The following LEKR1 variants were observed in gnomAD, a reference collection of about 807,000 sequenced individuals.
The protein encoded by LEKR1 is leucine, glutamate and lysine rich 1.
In LEKR1, 59 loss-of-function variants were observed where a neutral mutation model predicts 72.4. The ratio of observed to expected loss-of-function variants is 0.82; its 90% CI spans 0.66 to 1.01. The LOEUF is 1.01. Among genes scored for constraint, LEKR1 ranks in the 50% least tolerant of loss-of-function variants. The probability of loss-of-function intolerance (pLI) is 0.00; values close to 1 mark genes in which losing one functional copy is unlikely to be tolerated. For synonymous variants in LEKR1, 257 were observed against 263.2 expected (o/e 0.98, Z 0.23); for missense variants, 728 against 759.2 (o/e 0.96, Z 0.48).
At chr3:157,031,386 A>AG (rs1426482578) in intron 12 of LEKR1, among the ~76,000 whole-genome samples, 2 of 152,114 alleles carry the variant, frequency 1.3e-5, no homozygotes, top group East Asian at 3.9e-4. Flanking sequence ...GGGTATACTT[A>AG]GGGGGGCAAT....
At chr3:156,899,324 A>G (rs1278111024) in intron 3 of LEKR1, among the ~76,000 whole-genome samples, 3 of 120,030 alleles carry the variant, frequency 2.5e-5, no homozygotes, top group East Asian at 2.0e-4. Flanking sequence ...ATGTATATAT[A>G]CATATATACA....
chr3:157,032,309 A>G (rs749709465), intron 12 of LEKR1, among the ~76,000 whole-genome samples: 3 of 152,188 alleles, frequency 2.0e-5, no homozygotes, highest in South Asian at 2.1e-4. Context: ...GACAATCAGT[A>G]CAGATAGTTC....
intron 12 of LEKR1, among the ~76,000 whole-genome samples, chr3:157,038,732 A>C (rs1735139696): frequency 6.6e-6 from 1 of 152,230 alleles, no homozygotes; most frequent in Non-Finnish European, 1.5e-5. Context: ...CTTATCTGAA[A>C]ACTTTGTGCT....
intron 3 of LEKR1, among the ~76,000 whole-genome samples, chr3:156,854,520 T>G (rs1715801078): frequency 6.6e-6 from 1 of 151,576 alleles, no homozygotes. Flanking sequence ...TACAAATGTA[T>G]TTTCTTTTCT....
chr3:156,893,891 C>T (rs1379586553), intron 3 of LEKR1, among the ~76,000 whole-genome samples: 1 of 152,198 alleles, frequency 6.6e-6, no homozygotes, highest in Non-Finnish European at 1.5e-5. Flanking sequence ...GGGTAATGGA[C>T]ATGGCCCAAC....
At chr3:157,027,586 C>T (rs1482344615) in intron 11 of LEKR1, among the ~76,000 whole-genome samples, 1 of 152,024 alleles carries the variant, frequency 6.6e-6, no homozygotes, top group African/African-American at 2.4e-5. Context: ...GAGGCTGAGG[C>T]AGGAGGATTG....
intron 3 of LEKR1, among the ~76,000 whole-genome samples, chr3:156,919,754 G>C (rs1724015232): frequency 6.6e-6 from 1 of 152,138 alleles, no homozygotes; most frequent in South Asian, 2.1e-4. Context: ...ATTAGATCAA[G>C]TTTATAATGT....
At chr3:156,981,348 G>A (rs1027703959) in intron 7 of LEKR1, among the ~76,000 whole-genome samples, 5 of 152,160 alleles carry the variant, frequency 3.3e-5, no homozygotes, top group Non-Finnish European at 7.4e-5. Context: ...GAAATGGTGA[G>A]AGTCAGGGTA....
intron 2 of LEKR1, among the ~76,000 whole-genome samples, chr3:156,841,343 G>A (rs899726518): frequency 1.3e-5 from 2 of 152,192 alleles, no homozygotes; most frequent in African/African-American, 4.8e-5. Flanking sequence ...ATTTTTATAA[G>A]GTTTTTATGA....
intron 5 of LEKR1, among the ~76,000 whole-genome samples, chr3:156,928,976 C>T (rs1724969833): frequency 6.6e-6 from 1 of 151,924 alleles, no homozygotes; most frequent in African/African-American, 2.4e-5. Context: ...AGAATAGAGA[C>T]CAGTTGACTC....
At chr3:156,863,785 G>A (rs1357346670) in intron 3 of LEKR1, among the ~76,000 whole-genome samples, 1 of 151,966 alleles carries the variant, frequency 6.6e-6, no homozygotes, top group African/African-American at 2.4e-5. Flanking sequence ...ATACAGCTAT[G>A]GTAAGTTATG....
At chr3:156,853,677 G>A (rs1210909297) in intron 3 of LEKR1, among the ~76,000 whole-genome samples, 2 of 151,806 alleles carry the variant, frequency 1.3e-5, no homozygotes, top group African/African-American at 2.4e-5. Context: ...AGTCTCTTTG[G>A]ATTAAATACT....
At chr3:156,935,869 A>G (rs1725650581) in intron 5 of LEKR1, among the ~76,000 whole-genome samples, 1 of 152,200 alleles carries the variant, frequency 6.6e-6, no homozygotes, top group African/African-American at 2.4e-5. Flanking sequence ...GCTACTGGAA[A>G]TTTAAAATTA....
intron 6 of LEKR1, among the ~76,000 whole-genome samples, chr3:156,967,861 A>C (rs899185328): frequency 1.3e-4 from 20 of 152,334 alleles, no homozygotes; most frequent in Middle Eastern, 6.8e-3. Context: ...AAAAATGTTA[A>C]GGGCAGCCAG....
chr3:156,837,616 C>T (rs1713323767), intron 2 of LEKR1, among the ~76,000 whole-genome samples: 1 of 152,124 alleles, frequency 6.6e-6, no homozygotes, highest in African/African-American at 2.4e-5. Flanking sequence ...TGACAGAAGA[C>T]ACATAAAGAT....
chr3:156,939,634 C>T (rs766949505), intron 5 of LEKR1, among the ~76,000 whole-genome samples: 5 of 152,098 alleles, frequency 3.3e-5, no homozygotes, highest in African/African-American at 4.8e-5. Context: ...ATAATGTATG[C>T]TGAACATTGA....
intron 9 of LEKR1, among the ~76,000 whole-genome samples, chr3:157,005,813 T>C (rs1312523490): frequency 6.6e-6 from 1 of 152,134 alleles, no homozygotes; most frequent in Non-Finnish European, 1.5e-5. Flanking sequence ...TTTTCTATAA[T>C]ATACAATGAT....
intron 3 of LEKR1, among the ~76,000 whole-genome samples, chr3:156,909,034 A>G (rs1350247355): frequency 1.3e-5 from 2 of 152,116 alleles, no homozygotes; most frequent in African/African-American, 2.4e-5. Flanking sequence ...GGTAGTGAAT[A>G]AGTCTCATGA....
chr3:156,962,639 T>C (rs190211321), intron 6 of LEKR1, among the ~76,000 whole-genome samples: 4 of 152,186 alleles, frequency 2.6e-5, no homozygotes, highest in African/African-American at 9.6e-5. Context: ...GCTCCCAACA[T>C]TGAACTTTCA....
Sources: gnomAD v4.1 joint callset for allele counts (sites outside exome capture counted in the v4.1 genomes callset) on GRCh38, gnomAD v4.1.1 for gene constraint, MANE v1.5 for transcripts, NCBI Gene and HGNC (gene_info 2026-07-23, HGNC 2026-07-21) for gene names.